Variants in ATP8B4 observed in about 807,000 individuals in gnomAD.
ATP8B4 encodes the protein ATPase phospholipid transporting 8B4 (putative).
In ATP8B4, 133 loss-of-function variants were observed where a neutral mutation model predicts 145.6. That is an observed-to-expected ratio of 0.91 (90% CI 0.79 to 1.05). The LOEUF (loss-of-function observed/expected upper bound fraction) is 1.05. ATP8B4 is among the 50% of genes least tolerant of loss of function. ATP8B4 has a pLI of 0.00. For missense variants in ATP8B4, 1,458 were observed against 1,425.2 expected (o/e 1.02, Z -0.37); for synonymous variants, 507 against 492.9 (o/e 1.03, Z -0.38).
intron 1 of ATP8B4, among the ~76,000 whole-genome samples, chr15:50,118,243 T>A (rs1257991451): frequency 6.6e-6 from 1 of 152,210 alleles, no homozygotes; most frequent in Non-Finnish European, 1.5e-5. Flanking sequence ...AAAGAAATGG[T>A]AAATGTTTGA....
intron 23 of ATP8B4, among the ~76,000 whole-genome samples, chr15:49,882,123 C>G (rs1330571225): frequency 6.6e-6 from 1 of 152,068 alleles, no homozygotes; most frequent in African/African-American, 2.4e-5. Flanking sequence ...GATCTCTACC[C>G]TCGATAGGCA....
intron 7 of ATP8B4, among the ~76,000 whole-genome samples, chr15:50,006,486 C>T (rs1278783531): frequency 9.3e-6 from 1 of 107,922 alleles, no homozygotes; most frequent in Non-Finnish European, 1.8e-5. Context: ...GCAATGAGAC[C>T]ACCAAAAAAA....
chr15:50,069,345 C>T (rs1425734604), intron 3 of ATP8B4, among the ~76,000 whole-genome samples: 3 of 152,146 alleles, frequency 2.0e-5, no homozygotes, highest in Non-Finnish European at 4.4e-5. Context: ...TAAACCTGTG[C>T]GATGTCCTAT....
At chr15:49,881,223 G>A (rs2035361778) in intron 23 of ATP8B4, among the ~76,000 whole-genome samples, 1 of 152,116 alleles carries the variant, frequency 6.6e-6, no homozygotes, top group Non-Finnish European at 1.5e-5. Context: ...CACTGAATGT[G>A]GAGTTGAGAC....
chr15:50,124,699 T>A (rs902066154), intron 1 of ATP8B4, among the ~76,000 whole-genome samples: 2 of 152,172 alleles, frequency 1.3e-5, no homozygotes, highest in Non-Finnish European at 2.9e-5. Context: ...CCTCAAGGGC[T>A]CTCCTGAATA....
intron 3 of ATP8B4, among the ~76,000 whole-genome samples, chr15:50,062,354 C>A (rs570920256): frequency 2.5e-4 from 38 of 152,222 alleles, no homozygotes; most frequent in Admixed American, 1.1e-3. Context: ...ATGTGATGTG[C>A]CTGGTCCCCC....
In ATP8B4 at chr15:49,979,731, C is replaced by G. The variant is rs766973778; in HGVS notation, c.920G>C (p.Arg307Thr). The G allele has an allele frequency of 3.7e-6, 6 of 1,611,150 alleles. No homozygotes were observed. In the Admixed American group the frequency reaches 6.7e-5, roughly 18 times the overall value. The change falls in exon 12 of 28, where the codon AGA becomes ACA. Residue 307 changes from arginine (R) to threonine (T), a missense_variant. Coordinates refer to ENST00000284509, the MANE Select transcript of ATP8B4 (RefSeq NM_024837.4). ...TCCTTCATTCCAAAAGAGGAAAGTT[C>G]TGAATTGGTCCCCAGTTTGACTCTC... ...IWESQTGDQF[R>T]TFLFWNEGEK...
chr15:50,169,458 G>C (rs1208372538), intron 1 of ATP8B4, among the ~76,000 whole-genome samples: 1 of 152,232 alleles, frequency 6.6e-6, no homozygotes, highest in African/African-American at 2.4e-5. Context: ...GCTCACAGGA[G>C]CCACATCCAT....
chr15:49,972,953 A>G (rs1174756782), intron 12 of ATP8B4, among the ~76,000 whole-genome samples, 163 bp from the exon 13 acceptor site: 3 of 152,198 alleles, frequency 2.0e-5, no homozygotes, highest in Non-Finnish European at 4.4e-5. Context: ...TTCTCAACAG[A>G]GTCTGTTTAT....
chr15:49,859,995 G>T lies in ATP8B4; in HGVS notation c.*199C>A. 1 of 571,188 alleles carries T rather than the reference G, an allele frequency of 1.8e-6. No homozygotes were observed. Among genetic ancestry groups the T allele is most frequent in the Non-Finnish European group, 2.9e-6 (1 of 346,646 alleles). The allele number at this position is 571,188 out of a possible 1,614,324, so 35.4% of individuals were successfully genotyped here. A position where few individuals can be genotyped will look rare whatever the true frequency, so the allele number is the denominator to read the frequency against. On this transcript the variant is annotated 3_prime_UTR_variant, in exon 28 of 28. Transcript: ENST00000284509. ...GTTTTGTCCACCAAATCACAAACCA[G>T]ACAGTGACCCTCTGGCCTGGTTTTC...
At chr15:50,047,943 C>G (rs1186952190) in intron 3 of ATP8B4, among the ~76,000 whole-genome samples, 3 of 152,150 alleles carry the variant, frequency 2.0e-5, no homozygotes, top group East Asian at 1.9e-4. Context: ...CAGCCCGTCC[C>G]CATTTCAGAA....
chr15:49,860,324 G>C lies in ATP8B4; in HGVS notation c.3449C>G (p.Ala1150Gly). ...CCCTGATGTTGGGGGTGGATTTTTA[G>C]CTCGCATATTTTTTCCAGATGTGAT... ...ELITSGKNMRAKNPPPTSGLE... is the reference protein window; with the variant it reads ...ELITSGKNMRGKNPPPTSGLE... The change falls in exon 28 of 28, where the codon GCT becomes GGT. Residue 1150 changes from alanine (A) to glycine (G), a missense_variant. By Grantham distance (60) the Ala-to-Gly change is moderately conservative. Transcript: ENST00000284509. 1.2e-6 allele frequency: 2 copies of C among 1,614,064 alleles called. No homozygotes were observed. The highest frequency in any genetic ancestry group is 1.3e-5 in the African/African-American group (1 of 75,032).
intron 12 of ATP8B4, among the ~76,000 whole-genome samples, chr15:49,978,970 T>A (rs1486459522): frequency 6.6e-6 from 1 of 152,124 alleles, no homozygotes; most frequent in African/African-American, 2.4e-5. Context: ...TATCTTACAA[T>A]GGACTAGCAC....
chr15:50,066,831 T>C (rs1030087910), intron 3 of ATP8B4, among the ~76,000 whole-genome samples: 10 of 152,160 alleles, frequency 6.6e-5, no homozygotes, highest in African/African-American at 2.4e-4. Flanking sequence ...CTTTTAAACC[T>C]CAACTTTCTT....
Position 50,124,902 on chromosome 15 carries a change from G to A in ATP8B4, c.-42-17894C>T, listed in dbSNP as rs116624590. On this transcript the variant is annotated intron_variant, in intron 1 of 3. Coordinates refer to the ATP8B4 transcript ENST00000558829. ...CAGCCTAACACCAAGCCAGACTATTGGCAACTCTAGTTGTAAAAGTCATTC... is the reference window on the plus strand; with the variant it reads ...CAGCCTAACACCAAGCCAGACTATTAGCAACTCTAGTTGTAAAAGTCATTC... Among the ~76,000 whole-genome samples the A allele has an allele frequency of 9.6e-3, 1,469 of 152,242 alleles. 25 individuals carry two copies. Among genetic ancestry groups the A allele is most frequent in the African/African-American group, 0.034 (1,418 of 41,540 alleles).
intron 1 of ATP8B4, among the ~76,000 whole-genome samples, chr15:50,152,595 T>A (rs2044361759): frequency 6.6e-6 from 1 of 152,110 alleles, no homozygotes; most frequent in Non-Finnish European, 1.5e-5. Flanking sequence ...TAATTCTAAA[T>A]CAAAAAGATT....
At chr15:49,891,930 A>G (rs551737659) in intron 23 of ATP8B4, among the ~76,000 whole-genome samples, 3 of 152,100 alleles carry the variant, frequency 2.0e-5, no homozygotes, top group African/African-American at 7.2e-5. Context: ...CCTGGCTAAC[A>G]TGGTGAAACC....
At chr15:50,152,240 ACC>A (rs1031966023) in intron 1 of ATP8B4, among the ~76,000 whole-genome samples, 7 of 152,208 alleles carry the variant, frequency 4.6e-5, no homozygotes, top group Non-Finnish European at 8.8e-5. Flanking sequence ...GGAACTAAGG[ACC>A]TAAAACAGTA....
rs1025238361 is a variant in ATP8B4, at chr15:50,022,747, A to C, written c.363-11830T>G. The stretch of plus-strand genomic sequence containing the variant: ...AACCTGGCCTCTGGTGAAGGTCCTA[A>C]ATCTGTTTCCCCATGCCCCGCTGAC... On this transcript the variant is annotated intron_variant, in intron 6 of 27. Transcript: ENST00000284509. Among the ~76,000 whole-genome samples, 4 of 152,316 alleles carry C rather than the reference A, an allele frequency of 2.6e-5. No individual in the cohort carries two copies. The South Asian group carries it at 8.3e-4, about 32-fold the overall frequency.
Sources: allele counts gnomAD v4.1 joint callset (sites outside exome capture counted in the v4.1 genomes callset), GRCh38; gene constraint gnomAD v4.1.1; transcripts MANE v1.5; gene names NCBI Gene and HGNC (gene_info 2026-07-23, HGNC 2026-07-21).